KLHL3: variants seen among roughly 807,000 people sequenced by gnomAD.
The protein encoded by KLHL3 is kelch like family member 3, also known as kelch-like protein 3.
A neutral mutation model predicts 70.5 loss-of-function variants in KLHL3; 19 were observed. The ratio of observed to expected loss-of-function variants is 0.27; its 90% confidence interval spans 0.19 to 0.40. KLHL3 has a LOEUF of 0.40. KLHL3 is among the 10% of genes least tolerant of loss of function. The probability of loss-of-function intolerance (pLI) is 1.00; values close to 1 mark genes in which losing one functional copy is unlikely to be tolerated. For synonymous variants in KLHL3, 258 were observed against 290.3 expected (o/e 0.89, Z 1.13); for missense variants, 512 against 771.1 (o/e 0.66, Z 3.98).
In KLHL3 at chr5:137,622,731, G is replaced by C. The variant is rs146760742; in HGVS notation, c.1736-605C>G. The stretch of plus-strand genomic sequence containing the variant: ...TTTGATAAATGCTCCAGACATGTAT[G>C]CTATGTTACTGTTTTAGTCCGAGTG... On this transcript the variant is annotated intron_variant, in intron 14 of 14. Transcript: ENST00000309755. 3.3e-3 allele frequency among the ~76,000 whole-genome samples: 504 copies of C among 152,338 alleles called. 10 individuals are homozygous for C. The highest frequency in any genetic ancestry group is 0.02 in the Middle Eastern group (6 of 294).
chr5:137,682,038 G>C (rs1752039528), intron 5 of KLHL3, among the ~76,000 whole-genome samples: 1 of 152,086 alleles, frequency 6.6e-6, no homozygotes, highest in African/African-American at 2.4e-5. Flanking sequence ...GGCTTTCTCT[G>C]GGGGTACAGT....
Position 137,639,068 on chromosome 5 carries a change from G to A in KLHL3, c.1104C>T (p.Asp368=), listed in dbSNP as rs373765961. 48 of 1,614,004 alleles carry A rather than the reference G, an allele frequency of 3.0e-5. No homozygotes were observed. Among genetic ancestry groups the A allele is most frequent in the Middle Eastern group, 3.3e-4 (2 of 6,062 alleles). Residue 368 remains aspartate, a synonymous_variant, in exon 10 of 15, where the codon GAC becomes GAT. Coordinates refer to ENST00000309755, the MANE Select transcript of KLHL3 (RefSeq NM_017415.3). This position sits in a 1 kb window ranked among gnomAD's most constrained non-coding sequence, Gnocchi z 5.0. ...SLRVRTVDVY[D]GVKDQWTSIA... ...TGGACGTCCACTGGTCCTTCACGCC[G>A]TCATACACATCCACTGTCCGCACCC...
At chr5:137,709,231 CA>C (rs1752743429) in intron 3 of KLHL3, among the ~76,000 whole-genome samples, 1 of 152,208 alleles carries the variant, frequency 6.6e-6, no homozygotes, top group African/African-American at 2.4e-5. Flanking sequence ...AAATCTCCTC[CA>C]CTCCTGTAAA....
chr5:137,682,641 A>T (rs902977805), intron 5 of KLHL3, among the ~76,000 whole-genome samples: 4 of 152,150 alleles, frequency 2.6e-5, no homozygotes, highest in Admixed American at 6.5e-5. Flanking sequence ...AAAGCCCCCC[A>T]AACAAGATAT....
chr5:137,633,427 A>C (rs1282569743), intron 12 of KLHL3, among the ~76,000 whole-genome samples: 1 of 152,190 alleles, frequency 6.6e-6, no homozygotes, highest in Non-Finnish European at 1.5e-5. Flanking sequence ...AAGAACTCAA[A>C]ATATAACTAC....
At chr5:137,722,084 A>C (rs753918477) in intron 1 of KLHL3, among the ~76,000 whole-genome samples, 7 of 152,190 alleles carry the variant, frequency 4.6e-5, no homozygotes, top group Non-Finnish European at 8.8e-5. Flanking sequence ...CTCTAGGACA[A>C]TGAGGGTACT....
intron 2 of KLHL3, among the ~76,000 whole-genome samples, chr5:137,717,364 A>G (rs1357966495): frequency 6.6e-6 from 1 of 152,240 alleles, no homozygotes; most frequent in Non-Finnish European, 1.5e-5. Flanking sequence ...GCCATTAGCT[A>G]TAAAAAACAT....
chr5:137,624,645 C>G (rs549778278), intron 14 of KLHL3, among the ~76,000 whole-genome samples: 2 of 152,126 alleles, frequency 1.3e-5, no homozygotes, highest in Non-Finnish European at 2.9e-5. Flanking sequence ...AAATGGGAAT[C>G]GGAAGAATAT....
intron 1 of KLHL3, among the ~76,000 whole-genome samples, chr5:137,726,642 C>A (rs1344073237): frequency 6.6e-6 from 1 of 152,104 alleles, no homozygotes; most frequent in Non-Finnish European, 1.5e-5. Flanking sequence ...ACAAATCCAA[C>A]CACCTACCTG....
chr5:137,728,078 T>A (rs1753113335), intron 1 of KLHL3, among the ~76,000 whole-genome samples: 4 of 152,142 alleles, frequency 2.6e-5, no homozygotes, highest in Admixed American at 2.6e-4. Context: ...AAAAAATAAT[T>A]AGAAAGTGAT....
chr5:137,677,663 A>G lies in KLHL3; in HGVS notation c.527-9T>C, dbSNP rs1580753362. ...CTCTGGAAAGTGCTGCTCTGTTCCA[A>G]AAAAAAAAAAAAGAAGTTAAGAAAA... On this transcript the variant is annotated splice_polypyrimidine_tract_variant and intron_variant, in intron 5 of 14. Transcript: ENST00000309755. 1 of 962,434 alleles carries G rather than the reference A, an allele frequency of 1.0e-6. No individual in the cohort carries two copies. 59.6% of individuals were successfully genotyped at this position (962,434 alleles called of 1,614,324 possible).
chr5:137,671,120 C>G (rs1335547125), intron 6 of KLHL3, among the ~76,000 whole-genome samples: 1 of 152,162 alleles, frequency 6.6e-6, no homozygotes, highest in African/African-American at 2.4e-5. Flanking sequence ...CTACCCCACT[C>G]CCAGCCTCAT....
At chr5:137,657,406 C>G (rs1457920683) in intron 8 of KLHL3, among the ~76,000 whole-genome samples, 2 of 152,156 alleles carry the variant, frequency 1.3e-5, no homozygotes, top group African/African-American at 2.4e-5. Flanking sequence ...CCACACCAGA[C>G]AGGACTTTAG....
chr5:137,712,579 C>T (rs992355675), intron 2 of KLHL3, among the ~76,000 whole-genome samples: 4 of 152,328 alleles, frequency 2.6e-5, no homozygotes, highest in Non-Finnish European at 5.9e-5. Context: ...GAAGTAGTAG[C>T]TCTAAAGCAC....
chr5:137,669,386 G>A (rs1438140056), intron 6 of KLHL3, among the ~76,000 whole-genome samples: 1 of 152,000 alleles, frequency 6.6e-6, no homozygotes, highest in Non-Finnish European at 1.5e-5. Flanking sequence ...TTCTTAATAG[G>A]ATGAATAAAT....
At chr5:137,628,505 A>G (rs1313413255) in intron 12 of KLHL3, 68 bp from the exon 13 acceptor site, 1 of 1,581,524 alleles carries the variant, frequency 6.3e-7, no homozygotes, top group Non-Finnish European at 8.6e-7. Flanking sequence ...GAGGCCTGGC[A>G]TCCAGTCCTG....
At chr5:137,663,487 T>A (rs1400310082) in intron 6 of KLHL3, among the ~76,000 whole-genome samples, 1 of 151,646 alleles carries the variant, frequency 6.6e-6, no homozygotes, top group Non-Finnish European at 1.5e-5. Context: ...CATCCTCCCA[T>A]ATACTTTAAA....
intron 8 of KLHL3, among the ~76,000 whole-genome samples, chr5:137,653,249 C>CA (rs201415598): frequency 0.018 from 2,618 of 146,138 alleles, 37 homozygotes; most frequent in Middle Eastern, 0.045. Context: ...GACTCCGTCT[C>CA]AAAAAAAAAA....
At chr5:137,665,298 G>A (rs1466687010) in intron 6 of KLHL3, among the ~76,000 whole-genome samples, 1 of 152,156 alleles carries the variant, frequency 6.6e-6, no homozygotes, top group African/African-American at 2.4e-5. Context: ...TGGGGGACTA[G>A]TAAGAAAATA....
Sources: allele counts gnomAD v4.1 joint callset (sites outside exome capture counted in the v4.1 genomes callset), GRCh38; gene constraint gnomAD v4.1.1; non-coding constraint Gnocchi (gnomAD v3.1); transcripts MANE v1.5; gene names NCBI Gene and HGNC (gene_info 2026-07-23, HGNC 2026-07-21).